The following ZNF804B variants were observed in gnomAD, a reference collection of about 807,000 sequenced individuals.
ZNF804B encodes zinc finger 804B.
In ZNF804B, 80 loss-of-function variants were observed where a neutral mutation model predicts 101.4. The observed-to-expected ratio is 0.79, with a 90% confidence interval of 0.66 to 0.95. The LOEUF (loss-of-function observed/expected upper bound fraction) is 0.95. Ranked by LOEUF, ZNF804B falls within the 40% of genes least tolerant of loss-of-function variation. ZNF804B has a pLI of 0.00. For missense variants in ZNF804B, 1,673 were observed against 1,561.9 expected (o/e 1.07, Z -1.20); for synonymous variants, 622 against 558.8 (o/e 1.11, Z -1.59).
At chr7:89,145,945 A>G (rs143472114) in intron 1 of ZNF804B, among the ~76,000 whole-genome samples, 25 of 152,226 alleles carry the variant, frequency 1.6e-4, no homozygotes, top group African/African-American at 4.3e-4. Context: ...TGCATTAGCT[A>G]ATCTCAAAAA....
At chr7:89,146,510 C>G (rs1790792733) in intron 1 of ZNF804B, among the ~76,000 whole-genome samples, 1 of 151,980 alleles carries the variant, frequency 6.6e-6, no homozygotes, top group African/African-American at 2.4e-5. Flanking sequence ...TAAAGTCATT[C>G]AAATATTAAT....
chr7:88,891,970 A>C (rs926632492), intron 1 of ZNF804B, among the ~76,000 whole-genome samples: 1 of 152,008 alleles, frequency 6.6e-6, no homozygotes, highest in African/African-American at 2.4e-5. Context: ...TTCTGTTTTC[A>C]GTGTTTACCC....
intron 1 of ZNF804B, among the ~76,000 whole-genome samples, chr7:88,998,823 T>C (rs1404096071): frequency 1.3e-5 from 2 of 152,034 alleles, no homozygotes; most frequent in Non-Finnish European, 2.9e-5. Flanking sequence ...AGAGTCCTAA[T>C]GCACAAAGTG....
intron 1 of ZNF804B, among the ~76,000 whole-genome samples, chr7:88,865,481 A>G (rs766703112): frequency 6.6e-6 from 1 of 152,140 alleles, no homozygotes; most frequent in Non-Finnish European, 1.5e-5. Context: ...GTAGTGAGCT[A>G]TGATTGCACC....
chr7:88,787,788 T>G (rs1267579679), intron 1 of ZNF804B, among the ~76,000 whole-genome samples: 1 of 152,000 alleles, frequency 6.6e-6, no homozygotes, highest in Non-Finnish European at 1.5e-5. Flanking sequence ...GACACCAGAG[T>G]GGCTCTCTTG....
intron 1 of ZNF804B, among the ~76,000 whole-genome samples, chr7:89,180,539 C>T (rs902665310): frequency 2.0e-5 from 3 of 151,946 alleles, no homozygotes; most frequent in African/African-American, 7.3e-5. Context: ...TCCCTCCTGG[C>T]TCAAGGTGTG....
At chr7:88,856,906 C>T (rs991189110) in intron 1 of ZNF804B, among the ~76,000 whole-genome samples, 9 of 152,008 alleles carry the variant, frequency 5.9e-5, no homozygotes, top group East Asian at 3.9e-4. Context: ...TGCTGGATTA[C>T]GTTTATTGAT....
chr7:88,903,732 G>A (rs896047274), intron 1 of ZNF804B, among the ~76,000 whole-genome samples: 3 of 152,062 alleles, frequency 2.0e-5, no homozygotes, highest in African/African-American at 7.2e-5. Flanking sequence ...TTTCATGTCT[G>A]TTGGCCACTT....
chr7:88,940,456 G>A (rs1793039517), intron 1 of ZNF804B, among the ~76,000 whole-genome samples: 1 of 151,914 alleles, frequency 6.6e-6, no homozygotes, highest in African/African-American at 2.4e-5. Context: ...GCTAAAAGCA[G>A]AAATTAATAG....
chr7:88,963,388 A>G (rs1218731855), intron 1 of ZNF804B, among the ~76,000 whole-genome samples: 1 of 151,358 alleles, frequency 6.6e-6, no homozygotes, highest in African/African-American at 2.4e-5. Flanking sequence ...ATGATTTTCA[A>G]TAAAAGTGCC....
chr7:89,278,891 G>A (rs1200797195), intron 2 of ZNF804B, among the ~76,000 whole-genome samples: 1 of 152,076 alleles, frequency 6.6e-6, no homozygotes, highest in African/African-American at 2.4e-5. Flanking sequence ...TGTGAAGAAA[G>A]TCATTGGTAG....
At chr7:89,150,541 C>G (rs185354727) in intron 1 of ZNF804B, among the ~76,000 whole-genome samples, 11 of 152,202 alleles carry the variant, frequency 7.2e-5, no homozygotes, top group African/African-American at 2.6e-4. Context: ...TCATTTAACC[C>G]TGTCTGCATT....
chr7:89,059,065 A>T (rs1175455834), intron 1 of ZNF804B, among the ~76,000 whole-genome samples: 2 of 152,122 alleles, frequency 1.3e-5, no homozygotes, highest in African/African-American at 4.8e-5. Flanking sequence ...GTGTATTGAG[A>T]CTGTACTCAT....
At chr7:88,822,389 A>G (rs1013466548) in intron 1 of ZNF804B, among the ~76,000 whole-genome samples, 4 of 152,080 alleles carry the variant, frequency 2.6e-5, no homozygotes, top group Admixed American at 2.0e-4. Flanking sequence ...TATTAATATT[A>G]TTGTCATTAC....
chr7:88,916,862 C>T (rs1005772173), intron 1 of ZNF804B, among the ~76,000 whole-genome samples: 1 of 152,026 alleles, frequency 6.6e-6, no homozygotes, highest in Admixed American at 6.6e-5. Flanking sequence ...TATATATGTA[C>T]TTAAGAGTGT....
At chr7:88,909,962 A>T (rs2115972409) in intron 1 of ZNF804B, among the ~76,000 whole-genome samples, 1 of 151,966 alleles carries the variant, frequency 6.6e-6, no homozygotes, top group Non-Finnish European at 1.5e-5. Flanking sequence ...GTTTTAATGC[A>T]TTTGTTGTGA....
intron 1 of ZNF804B, among the ~76,000 whole-genome samples, chr7:88,916,835 A>C (rs1032983189): frequency 6.6e-6 from 1 of 152,164 alleles, no homozygotes; most frequent in African/African-American, 2.4e-5. Context: ...TGAGAGGAAT[A>C]TCATTTGTCT....
intron 1 of ZNF804B, among the ~76,000 whole-genome samples, chr7:89,199,754 T>C (rs1788603327): frequency 6.6e-6 from 1 of 151,646 alleles, no homozygotes; most frequent in South Asian, 2.1e-4. Context: ...CTGGCATCTT[T>C]CTATTTTTGT....
At chr7:89,310,050 A>G (rs539819148) in intron 2 of ZNF804B, among the ~76,000 whole-genome samples, 1 of 150,822 alleles carries the variant, frequency 6.6e-6, no homozygotes, top group Non-Finnish European at 1.5e-5. Flanking sequence ...GTGGAAGTCT[A>G]CTCAGGTTGA....
Sources: allele counts gnomAD v4.1 joint callset (sites outside exome capture counted in the v4.1 genomes callset), GRCh38; gene constraint gnomAD v4.1.1; transcripts MANE v1.5; gene names NCBI Gene and HGNC (gene_info 2026-07-23, HGNC 2026-07-21).